The following C11orf86 variants were observed in gnomAD, a reference collection of about 807,000 sequenced individuals.
C11orf86 encodes chromosome 11 open reading frame 86.
C11orf86 carries 13 observed loss-of-function variants against 11.1 expected under a neutral mutation model. The observed-to-expected ratio is 1.17, with a 90% CI of 0.76 to 1.86. The LOEUF is 1.86. Among genes scored for constraint, C11orf86 ranks in the 40% most tolerant of loss-of-function variants. The pLI is 0.00. For synonymous variants in C11orf86, 86 were observed against 64.7 expected (o/e 1.33, Z -1.58); for missense variants, 144 against 146.5 (o/e 0.98, Z 0.09).
rs1414877425 is a variant in C11orf86 at position 66,976,259 on chromosome 11, T to A, written c.*8T>A. On this transcript the variant is annotated 3_prime_UTR_variant, in exon 2 of 2. Transcript: ENST00000683896. ...CAGCCGGCCTCCCCGTAGCCCACAC[T>A]GGGCACCATCAGCTAAAGATGCTGG... 1.3e-6 allele frequency: 2 copies of A among 1,550,738 alleles called. No homozygotes were observed. Among genetic ancestry groups the A allele is most frequent in the Non-Finnish European group, 1.7e-6 (2 of 1,146,936 alleles).
Position 66,976,389 on chromosome 11 carries a change from TG to T in C11orf86, c.*139del. The T allele has an allele frequency of 3.5e-6, 3 of 851,572 alleles. No individual in the cohort carries two copies. Among genetic ancestry groups the T allele is most frequent in the South Asian group, 3.2e-5 (2 of 62,482 alleles). 52.8% of individuals were successfully genotyped at this position (851,572 alleles called of 1,614,324 possible). On this transcript the variant is annotated 3_prime_UTR_variant, in exon 2 of 2. Transcript: ENST00000683896. ...TGGCTGGGTGGCCCTAGGAGGCTTC[TG>T]CCACCAGCTCACTGGAGTCGCCACG...
At position 66,975,574 on chromosome 11, in the gene C11orf86, A is replaced by G. The variant is rs1949782376; in HGVS notation, c.212A>G (p.Asp71Gly). 6.4e-7 allele frequency: 1 copy of G among 1,551,282 alleles called. No homozygotes were observed. The highest frequency in any genetic ancestry group is 2.0e-5 in the Admixed American group (1 of 50,966). ...GAGCGGGTGCCGGGGAGCCTGGGGG[A>G]CACAGAGCAGCTGATCCAAGCCCAG... is the stretch of plus-strand genomic sequence containing the variant. The part of the protein sequence containing the change: ...AQERVPGSLG[D>G]TEQLIQAQRR... The change falls in exon 1 of 2, where the codon GAC becomes GGC. Residue 71 changes from aspartate to glycine, a missense_variant. Physicochemically the swap from Asp to Gly is moderately conservative, Grantham distance 94. Transcript: ENST00000683896.
At chr11:66,976,103 C>G in intron 1 of C11orf86, 74 bp from the exon 2 acceptor site, 1 of 1,449,072 alleles carries the variant, frequency 6.9e-7, no homozygotes, top group Non-Finnish European at 9.5e-7. Context: ...CTACCCCCAC[C>G]TCGTGGCTAT....
intron 1 of C11orf86, 49 bp from the exon 2 acceptor site, chr11:66,976,128 C>T: frequency 6.5e-7 from 1 of 1,531,038 alleles, no homozygotes. Flanking sequence ...GGAACAACAT[C>T]TAAGCCCACC....
At chr11:66,976,051 A>C in intron 1 of C11orf86, 126 bp from the exon 2 acceptor site, 1 of 909,258 alleles carries the variant, frequency 1.1e-6, no homozygotes, top group South Asian at 1.5e-5. Context: ...CCCTCCTCTA[A>C]GAGACAGGGT....
rs898794403 is a variant in C11orf86, at chr11:66,976,221, C to T, written c.321C>T (p.Ser107=). The T allele has an allele frequency of 1.3e-6, 2 of 1,551,224 alleles. No homozygotes were observed. The highest frequency in any genetic ancestry group is 2.7e-5 in the African/African-American group (2 of 73,050). The change falls in exon 2 of 2, where the codon AGC becomes AGT. Residue 107 remains serine (S), a synonymous_variant. Transcript: ENST00000683896. ...RWESFVAIFP[S]VTLSQPASP is the part of the protein sequence containing the mutation. ...AGAGCTTTGTCGCCATCTTCCCCAG[C>T]GTGACTCTGAGTCAGCCGGCCTCCC...
chr11:66,976,164 C>T lies in C11orf86; in HGVS notation c.277-13C>T. ...ACTCAGCCCATGGGACCTCCCCCAC[C>T]TCTGTCTTCCAGCAGGTAAGAAGAA... is the stretch of plus-strand genomic sequence containing the variant. On this transcript the variant is annotated splice_polypyrimidine_tract_variant and intron_variant, in intron 1 of 1. Transcript: ENST00000683896. 2 of 1,551,418 alleles carry T rather than the reference C, an allele frequency of 1.3e-6. No individual in the cohort carries two copies. Among genetic ancestry groups the T allele is most frequent in the Non-Finnish European group, 1.7e-6 (2 of 1,146,936 alleles).
chr11:66,975,552 C>A lies in C11orf86; in HGVS notation c.190C>A (p.Arg64=). 1 of 1,551,392 alleles carries A rather than the reference C, an allele frequency of 6.4e-7. No individual in the cohort carries two copies. Among genetic ancestry groups the A allele is most frequent in the Non-Finnish European group, 8.7e-7 (1 of 1,146,908 alleles). Residue 64 remains arginine, a synonymous_variant, in exon 1 of 2, where the codon CGG becomes AGG. Transcript: ENST00000683896. ...AGGGCCAGATGCCACTGCCCAGGAG[C>A]GGGTGCCGGGGAGCCTGGGGGACAC... is the stretch of plus-strand genomic sequence containing the variant. ...TEGPDATAQE[R]VPGSLGDTEQ... is the part of the protein sequence containing the mutation.
Position 66,975,603 on chromosome 11 carries a change from A to G in C11orf86, c.241A>G (p.Arg81Gly). Residue 81 changes from arginine (R) to glycine (G), a missense_variant, in exon 1 of 2, where the codon AGA becomes GGA. Physicochemically the swap from Arg to Gly is moderately radical, Grantham distance 125. Coordinates refer to ENST00000683896, the MANE Select transcript of C11orf86 (RefSeq NM_001353554.2). The stretch of plus-strand genomic sequence containing the variant: ...AGAGCAGCTGATCCAAGCCCAGCGA[A>G]GAGGCAGCCGGTGGTGGCTGAGGCG... ...DTEQLIQAQR[R>G]GSRWWLRRYQ... is the part of the protein sequence containing the mutation. The G allele has an allele frequency of 1.3e-6, 2 of 1,551,298 alleles. No homozygotes were observed. Among genetic ancestry groups the G allele is most frequent in the South Asian group, 2.4e-5 (2 of 84,054 alleles).
rs1949786142 is a variant in C11orf86 at position 66,976,099 on chromosome 11, C to T, written c.277-78C>T. ...GTGCTTCTCTACCTGGGGTCTACCC[C>T]CACCTCGTGGCTATGGGTGGAACAA... On this transcript the variant is annotated intron_variant, in intron 1 of 1. Coordinates refer to ENST00000683896, the MANE Select transcript of C11orf86 (RefSeq NM_001353554.2). The T allele has an allele frequency of 2.2e-5, 31 of 1,409,370 alleles. No individual in the cohort carries two copies. The South Asian group carries it at 3.7e-4, about 17-fold the overall frequency. The allele number at this position is 1,409,370 out of a possible 1,614,324, so 87.3% of individuals were successfully genotyped here.
rs1949777648 is a variant in C11orf86, at chr11:66,975,313, G to C, written c.-50G>C. Reference sequence around the variant, plus strand: ...GGCACTGGGCCACCTCAGAGGGCCAGTGTCTTGCTGAGGGGCCGGAGCAGT... The same window carrying C: ...GGCACTGGGCCACCTCAGAGGGCCACTGTCTTGCTGAGGGGCCGGAGCAGT... On this transcript the variant is annotated 5_prime_UTR_variant, in exon 1 of 2. Transcript: ENST00000683896. The C allele has an allele frequency of 6.6e-7, 1 of 1,519,958 alleles. No individual in the cohort carries two copies. The highest frequency in any genetic ancestry group is 1.4e-5 in the African/African-American group (1 of 70,992). 94.2% of individuals were successfully genotyped at this position (1,519,958 alleles called of 1,614,324 possible).
chr11:66,976,261 G>A lies in C11orf86; in HGVS notation c.*10G>A. 3 of 1,550,542 alleles carry A rather than the reference G, an allele frequency of 1.9e-6. No homozygotes were observed. The highest frequency in any genetic ancestry group is 2.6e-6 in the Non-Finnish European group (3 of 1,146,940). ...GCCGGCCTCCCCGTAGCCCACACTG[G>A]GCACCATCAGCTAAAGATGCTGGAA... On this transcript the variant is annotated 3_prime_UTR_variant, in exon 2 of 2. Transcript: ENST00000683896.
At chr11:66,975,682 G>A (rs1221259492) in intron 1 of C11orf86, 44 bp downstream of exon 1, 1 of 1,528,956 alleles carries the variant, frequency 6.5e-7, no homozygotes, top group Non-Finnish European at 8.8e-7. Context: ...CAGCAGGTGG[G>A]CAGGGATTCC....
chr11:66,976,310 C>A lies in C11orf86; in HGVS notation c.*59C>A. 1 of 1,508,030 alleles carries A rather than the reference C, an allele frequency of 6.6e-7. No homozygotes were observed. The highest frequency in any genetic ancestry group is 1.2e-5 in the South Asian group (1 of 83,268). The allele number at this position is 1,508,030 out of a possible 1,614,324, so 93.4% of individuals were successfully genotyped here. A position where few individuals can be genotyped will look rare whatever the true frequency, so the allele number is the denominator to read the frequency against. On this transcript the variant is annotated 3_prime_UTR_variant, in exon 2 of 2. Transcript: ENST00000683896. The stretch of plus-strand genomic sequence containing the variant: ...AAGCCATCGTGGCCCCCTTGCTGTG[C>A]CTGGACCAGCCCACCGTGTCTGCTG...
rs1157882685 is a variant in C11orf86, at chr11:66,975,617, G to A, written c.255G>A (p.Trp85Ter). Residue 85 changes from tryptophan to a stop codon, truncating the protein, a stop_gained, in exon 1 of 2, where the codon TGG (tryptophan) becomes TGA (stop). Coordinates refer to ENST00000683896, the MANE Select transcript of C11orf86 (RefSeq NM_001353554.2). LOFTEE classifies it high-confidence loss of function. Reference protein sequence around the residue: ...LIQAQRRGSRWWLRRYQQQVR... With the variant: ...LIQAQRRGSR ...AAGCCCAGCGAAGAGGCAGCCGGTG[G>A]TGGCTGAGGCGGTACCAACAGGTAT... 5.8e-6 allele frequency: 9 copies of A among 1,551,088 alleles called. No homozygotes were observed. In the East Asian group the frequency reaches 1.5e-4, roughly 25 times the overall value.
chr11:66,975,863 G>A (rs1178453384), intron 1 of C11orf86, among the ~76,000 whole-genome samples: 1 of 152,226 alleles, frequency 6.6e-6, no homozygotes, highest in African/African-American at 2.4e-5. Flanking sequence ...GAAGGTTTTA[G>A]AGGAGGAGGG....
rs1949780536 is a variant in C11orf86 at position 66,975,468 on chromosome 11, C to T, written c.106C>T (p.Leu36=). 1 of 1,551,186 alleles carries T rather than the reference C, an allele frequency of 6.4e-7. No individual in the cohort carries two copies. Among genetic ancestry groups the T allele is most frequent in the Non-Finnish European group, 8.7e-7 (1 of 1,146,936 alleles). Residue 36 remains leucine, a synonymous_variant, in exon 1 of 2, where the codon CTA becomes TTA. Transcript: ENST00000683896. ...RPQEGQLRRA[L]SLRQGQEKSR... is the part of the protein sequence containing the mutation. Reference sequence around the variant, plus strand: ...CCAGGAGGGCCAACTCCGCAGGGCGCTAAGCCTCAGACAGGGGCAAGAGAA... The same window carrying T: ...CCAGGAGGGCCAACTCCGCAGGGCGTTAAGCCTCAGACAGGGGCAAGAGAA...
At chr11:66,976,139 A>C in intron 1 of C11orf86, 38 bp from the exon 2 acceptor site, 1 of 1,545,480 alleles carries the variant, frequency 6.5e-7, no homozygotes, top group Non-Finnish European at 8.8e-7. Flanking sequence ...TAAGCCCACC[A>C]CTCAGCCCAT....
At position 66,975,394 on chromosome 11, in the gene C11orf86, G is replaced by A. The variant is rs765750611; in HGVS notation, c.32G>A (p.Arg11Gln). The change falls in exon 1 of 2, where the codon CGA (arginine) becomes CAA (glutamine). Residue 11 changes from arginine (R) to glutamine (Q), a missense_variant. Arg to Gln is a conservative substitution (Grantham distance 43). Transcript: ENST00000683896. MGTGLRSQSL[R>Q]EPRPSYGKLQ... ...ACAGGGCTGCGAAGTCAGTCCTTGCGAGAGCCCCGACCCTCCTATGGAAAG... is the reference window on the plus strand; with the variant it reads ...ACAGGGCTGCGAAGTCAGTCCTTGCAAGAGCCCCGACCCTCCTATGGAAAG... The A allele has an allele frequency of 4.1e-5, 63 of 1,550,596 alleles. No individual in the cohort carries two copies. The South Asian group carries it at 4.2e-4, about 10-fold the overall frequency.
Sources: allele counts gnomAD v4.1 joint callset (sites outside exome capture counted in the v4.1 genomes callset), GRCh38; gene constraint gnomAD v4.1.1; transcripts MANE v1.5; gene names NCBI Gene and HGNC (gene_info 2026-07-23, HGNC 2026-07-21).